C9orf153: variants seen among roughly 807,000 people sequenced by gnomAD.
The protein encoded by C9orf153 is uncharacterized protein C9orf153.
In C9orf153, 10 loss-of-function variants were observed where a neutral mutation model predicts 9.0. That is an observed-to-expected ratio of 1.11 (90% CI 0.69 to 1.89). C9orf153 has a LOEUF of 1.89. Among genes scored for constraint, C9orf153 ranks in the 40% most tolerant of loss-of-function variants. C9orf153 has a pLI of 0.00. For missense variants in C9orf153, 108 were observed against 111.0 expected, an observed-to-expected ratio of 0.97 and a Z score of 0.12; for synonymous variants, 35 against 37.3, an observed-to-expected ratio of 0.94 and a Z score of 0.23.
chr9:86,232,707 A>ATT (rs1383282455), intron 1 of C9orf153, among the ~76,000 whole-genome samples: 5 of 151,574 alleles, frequency 3.3e-5, no homozygotes, highest in African/African-American at 1.2e-4. Context: ...CAGGGTGTAT[A>ATT]TTTTATCCTC....
chr9:86,228,037 A>C lies in C9orf153; in HGVS notation c.67-7T>G, dbSNP rs1424592757. ...ATGCATATAATTCTGGAAGCTGTGG[A>C]CAAAAAAAAAAGTGGTAAGTCACGA... On this transcript the variant is annotated splice_polypyrimidine_tract_variant and splice_region_variant and intron_variant, in intron 2 of 3. Coordinates refer to ENST00000339137, the MANE Select transcript of C9orf153 (RefSeq NM_001276366.4). 6.3e-7 allele frequency: 1 copy of C among 1,578,398 alleles called. No homozygotes were observed.
At chr9:86,259,236 G>A (rs536339826) in intron 1 of C9orf153, among the ~76,000 whole-genome samples, 1 of 152,222 alleles carries the variant, frequency 6.6e-6, no homozygotes, top group South Asian at 2.1e-4. Context: ...ACACAGGGGA[G>A]GATGAAGGCA....
chr9:86,225,633 G>C (rs1824313613), intron 3 of C9orf153, among the ~76,000 whole-genome samples: 1 of 151,958 alleles, frequency 6.6e-6, no homozygotes, highest in African/African-American at 2.4e-5. Context: ...TAATTTTTTT[G>C]TATTTTTAGT....
intron 3 of C9orf153, among the ~76,000 whole-genome samples, chr9:86,221,981 G>T (rs1824214002): frequency 1.3e-5 from 2 of 152,106 alleles, no homozygotes; most frequent in Admixed American, 1.3e-4. Flanking sequence ...CGCCTCCCGG[G>T]TTCAAATGAT....
intron 1 of C9orf153, among the ~76,000 whole-genome samples, chr9:86,253,201 C>T (rs1056262816): frequency 6.6e-6 from 1 of 152,264 alleles, no homozygotes; most frequent in South Asian, 2.1e-4. Flanking sequence ...TTTACCAAGA[C>T]TTTGACTGGA....
chr9:86,258,081 C>T (rs977538342), intron 1 of C9orf153, among the ~76,000 whole-genome samples: 24 of 152,152 alleles, frequency 1.6e-4, no homozygotes, highest in Admixed American at 6.5e-4. Context: ...CGGTGGCTCA[C>T]GCCCATAATC....
chr9:86,240,964 C>T (rs1052782210), intron 1 of C9orf153, among the ~76,000 whole-genome samples: 1 of 152,078 alleles, frequency 6.6e-6, no homozygotes, highest in Non-Finnish European at 1.5e-5. Flanking sequence ...ACCTCCGCCT[C>T]CCGAAGTGCT....
intron 1 of C9orf153, among the ~76,000 whole-genome samples, chr9:86,238,272 T>C (rs908415489): frequency 2.6e-5 from 4 of 152,128 alleles, no homozygotes; most frequent in Non-Finnish European, 5.9e-5. Context: ...AACGGTCCCA[T>C]CAATCAACTG....
intron 1 of C9orf153, among the ~76,000 whole-genome samples, chr9:86,252,271 T>C (rs1825012425): frequency 6.6e-6 from 1 of 152,178 alleles, no homozygotes; most frequent in South Asian, 2.1e-4. Context: ...TGACCTCAAA[T>C]GATCTGCCTG....
chr9:86,225,738 G>A (rs907133620), intron 3 of C9orf153, among the ~76,000 whole-genome samples: 1 of 152,170 alleles, frequency 6.6e-6, no homozygotes, highest in African/African-American at 2.4e-5. Context: ...ACCCGCCTTG[G>A]CCTGCCAAAG....
intron 1 of C9orf153, among the ~76,000 whole-genome samples, chr9:86,248,102 G>T (rs1345266858): frequency 6.6e-6 from 1 of 152,060 alleles, no homozygotes; most frequent in Non-Finnish European, 1.5e-5. Context: ...GGTAGGGGTT[G>T]CACTTTATTT....
intron 3 of C9orf153, among the ~76,000 whole-genome samples, chr9:86,226,136 T>C (rs1411157932): frequency 6.6e-6 from 1 of 152,188 alleles, no homozygotes; most frequent in Non-Finnish European, 1.5e-5. Flanking sequence ...AGTCCTATCA[T>C]TGCTTTAATT....
Position 86,229,553 on chromosome 9 carries a change from G to T in C9orf153, c.51C>A (p.Thr17=). ...TSPAEDNREA[T]LPQCSLPELY... Reference sequence around the variant, plus strand: ...AAGTACATACTGAACATTGAGGAAGGGTGGCTTCTCTATTGTCCTCAGCTG... The same window carrying T: ...AAGTACATACTGAACATTGAGGAAGTGTGGCTTCTCTATTGTCCTCAGCTG... Residue 17 remains threonine, a synonymous_variant, in exon 2 of 4, where the codon ACC becomes ACA. Transcript: ENST00000339137. 6.2e-7 allele frequency: 1 copy of T among 1,610,762 alleles called. No homozygotes were observed. Among genetic ancestry groups the T allele is most frequent in the Non-Finnish European group, 8.5e-7 (1 of 1,177,046 alleles).
intron 3 of C9orf153, among the ~76,000 whole-genome samples, chr9:86,226,745 AT>A (rs1824343905): frequency 1.3e-5 from 2 of 151,016 alleles, no homozygotes; most frequent in African/African-American, 4.9e-5. Context: ...CATAAGTTTC[AT>A]GGTTTTTTGT....
chr9:86,238,615 A>G (rs1824657826), intron 1 of C9orf153, among the ~76,000 whole-genome samples: 1 of 152,194 alleles, frequency 6.6e-6, no homozygotes, highest in Non-Finnish European at 1.5e-5. Flanking sequence ...GTAGTCCCTA[A>G]GAGTTTGGGT....
rs1193552565 is a variant in C9orf153, at chr9:86,220,482, G to C, written c.*1206C>G. The C allele has an allele frequency of 6.6e-6, 1 of 152,076 alleles. No homozygotes were observed. The highest frequency in any genetic ancestry group is 1.5e-5 in the Non-Finnish European group (1 of 67,984). The allele number at this position is 152,076 out of a possible 1,614,324, so 9.4% of individuals were successfully genotyped here. A position where few individuals can be genotyped will look rare whatever the true frequency, so the allele number is the denominator to read the frequency against. The stretch of plus-strand genomic sequence containing the variant: ...CCTACTCCTCAGAGAGAGTTTGGCT[G>C]CTTATAGAATTACAGACAGCTATTT... On this transcript the variant is annotated 3_prime_UTR_variant, in exon 4 of 4. Transcript: ENST00000339137.
At chr9:86,235,656 C>T (rs758533362) in intron 1 of C9orf153, among the ~76,000 whole-genome samples, 8 of 141,814 alleles carry the variant, frequency 5.6e-5, no homozygotes, top group Middle Eastern at 3.8e-3. Flanking sequence ...GCAGGAGAAT[C>T]GCTTGAACCC....
chr9:86,234,802 C>T (rs189880254), intron 1 of C9orf153, among the ~76,000 whole-genome samples: 1 of 152,272 alleles, frequency 6.6e-6, no homozygotes, highest in East Asian at 1.9e-4. Context: ...ACAAATCATA[C>T]ATCTGACAAG....
intron 3 of C9orf153, among the ~76,000 whole-genome samples, chr9:86,222,868 C>G (rs1186913988): frequency 1.3e-5 from 2 of 152,144 alleles, no homozygotes; most frequent in African/African-American, 4.8e-5. Flanking sequence ...TTGAGCATGT[C>G]ACCTGTAGTC....
Sources: allele counts gnomAD v4.1 joint callset (sites outside exome capture counted in the v4.1 genomes callset), GRCh38; gene constraint gnomAD v4.1.1; transcripts MANE v1.5; gene names NCBI Gene and HGNC (gene_info 2026-07-23, HGNC 2026-07-21).